The following MTUS1 variants were observed in gnomAD, a reference collection of about 807,000 sequenced individuals.
MTUS1 encodes the protein microtubule-associated tumor suppressor 1.
In MTUS1, 109 loss-of-function variants were observed where a neutral mutation model predicts 120.8. The ratio of observed to expected loss-of-function variants is 0.90; its 90% CI spans 0.77 to 1.06. The LOEUF is 1.06. Among genes scored for constraint, MTUS1 ranks in the 50% least tolerant of loss-of-function variants. MTUS1 has a pLI of 0.00. For synonymous variants in MTUS1, 737 were observed against 550.5 expected, an observed-to-expected ratio of 1.34 and a Z score of -4.74; for missense variants, 2,210 against 1,486.3, an observed-to-expected ratio of 1.49 and a Z score of -8.01.
intron 6 of MTUS1, chr8:17,693,422 C>T (rs922705412): frequency 5.3e-5 from 8 of 152,118 alleles, no homozygotes; most frequent in African/African-American, 1.9e-4. Context: ...TGATGGATAC[C>T]ACCCAGTAAT....
chr8:17,794,807 C>G (rs1352718244), intron 1 of MTUS1, among the ~76,000 whole-genome samples: 12 of 152,144 alleles, frequency 7.9e-5, no homozygotes, highest in Non-Finnish European at 1.3e-4. Flanking sequence ...ACACAGAGGT[C>G]AGGGGAAGGG....
intron 1 of MTUS1, among the ~76,000 whole-genome samples, chr8:17,767,188 T>TAAAAAAAAAA (rs34726378): frequency 9.5e-6 from 1 of 105,304 alleles, no homozygotes; most frequent in Non-Finnish European, 1.9e-5. Context: ...ATCCTCAGGG[T>TAAAAAAAAAA]AAAAAAAAAA....
chr8:17,721,942 C>T, intron 4 of MTUS1: 1 of 1,586,800 alleles, frequency 6.3e-7, no homozygotes, highest in Non-Finnish European at 8.6e-7. Context: ...AAAACTGCAG[C>T]CATGTTCACT....
intron 1 of MTUS1, among the ~76,000 whole-genome samples, chr8:17,788,397 C>T (rs568894445): frequency 6.6e-6 from 1 of 152,262 alleles, no homozygotes; most frequent in East Asian, 1.9e-4. Context: ...CTAATCCTTC[C>T]TACCCAACAG....
At chr8:17,691,933 C>G (rs1377146397) in intron 6 of MTUS1, 1 of 152,186 alleles carries the variant, frequency 6.6e-6, no homozygotes, top group Non-Finnish European at 1.5e-5. Flanking sequence ...ACTGAAAATT[C>G]ATTCAAGAGA....
chr8:17,668,626 T>C (rs1042966828), intron 8 of MTUS1, among the ~76,000 whole-genome samples: 2 of 152,186 alleles, frequency 1.3e-5, no homozygotes, highest in Non-Finnish European at 2.9e-5. Flanking sequence ...AGGACAATTA[T>C]CTTTTCTTTT....
At chr8:17,748,484 T>C (rs960600774) in intron 2 of MTUS1, among the ~76,000 whole-genome samples, 1 of 152,202 alleles carries the variant, frequency 6.6e-6, no homozygotes, top group Non-Finnish European at 1.5e-5. Flanking sequence ...CCCTCGCTAC[T>C]GGAGGGCAGC....
At chr8:17,785,887 G>A (rs988500142) in intron 1 of MTUS1, among the ~76,000 whole-genome samples, 3 of 152,212 alleles carry the variant, frequency 2.0e-5, no homozygotes, top group Non-Finnish European at 2.9e-5. Flanking sequence ...GGTCATGCCT[G>A]TAATCACGGC....
chr8:17,760,785 A>T (rs1474268310), intron 1 of MTUS1, among the ~76,000 whole-genome samples: 1 of 147,636 alleles, frequency 6.8e-6, no homozygotes, highest in Non-Finnish European at 1.5e-5. Context: ...AAAAATAAAA[A>T]GACAGAGAGT....
chr8:17,651,933 G>C (rs1449763011), intron 12 of MTUS1, among the ~76,000 whole-genome samples: 1 of 152,170 alleles, frequency 6.6e-6, no homozygotes, highest in Non-Finnish European at 1.5e-5. Context: ...CTCTTCCTAA[G>C]AATCTTCTAG....
chr8:17,742,106 C>G (rs1402320532), intron 3 of MTUS1, among the ~76,000 whole-genome samples: 1 of 151,922 alleles, frequency 6.6e-6, no homozygotes. Flanking sequence ...TCTTCACCAC[C>G]AAGGGACAGG....
At chr8:17,747,319 C>G (rs2047837030) in intron 2 of MTUS1, among the ~76,000 whole-genome samples, 1 of 152,174 alleles carries the variant, frequency 6.6e-6, no homozygotes, top group South Asian at 2.1e-4. Flanking sequence ...CAAATTCCAG[C>G]TAGTGACAAC....
At chr8:17,707,515 C>T (rs1051893298) in intron 6 of MTUS1, among the ~76,000 whole-genome samples, 9 of 152,168 alleles carry the variant, frequency 5.9e-5, no homozygotes, top group Non-Finnish European at 1.3e-4. Context: ...GCAATGTTGA[C>T]CCCTTAGAAT....
At position 17,753,758 on chromosome 8, in the gene MTUS1, CTT is replaced by C. The variant is rs1238984201; in HGVS notation, c.2048_2049del (p.Gln683ArgfsTer5). The C allele has an allele frequency of 2.7e-5, 44 of 1,612,044 alleles. No individual in the cohort carries two copies. Among genetic ancestry groups the C allele is most frequent in the Non-Finnish European group, 3.4e-5 (40 of 1,179,562 alleles). ...GTSMEKQELK[Q>X]EIMNETFEYG... ...TATTCAAAAGTCTCATTCATAATCT[CTT>C]GTTTCAGCTCTTGTTTTTCCATAGA... On this transcript the variant is annotated frameshift_variant, in exon 2 of 15. Transcript: ENST00000693296. LOFTEE classifies it high-confidence loss of function.
intron 8 of MTUS1, among the ~76,000 whole-genome samples, chr8:17,669,007 A>C (rs1386949535): frequency 6.6e-6 from 1 of 152,264 alleles, no homozygotes; most frequent in Non-Finnish European, 1.5e-5. Flanking sequence ...TAATAAAATC[A>C]TTCATTGATT....
chr8:17,654,238 T>C (rs1393949640), intron 10 of MTUS1: 3 of 356,802 alleles, frequency 8.4e-6, no homozygotes, highest in Non-Finnish European at 1.5e-5. Flanking sequence ...GTGGATCCTT[T>C]ACTGTGGATT....
At chr8:17,787,041 G>A (rs566236513) in intron 1 of MTUS1, among the ~76,000 whole-genome samples, 5 of 152,318 alleles carry the variant, frequency 3.3e-5, no homozygotes, top group East Asian at 1.9e-4. Flanking sequence ...GCTGAAAAGC[G>A]ATCGGAAGCT....
intron 6 of MTUS1, among the ~76,000 whole-genome samples, chr8:17,712,991 C>G (rs941851395): frequency 1.3e-5 from 2 of 152,080 alleles, no homozygotes; most frequent in Non-Finnish European, 2.9e-5. Flanking sequence ...TTTTAAAAGA[C>G]TATAACTATC....
chr8:17,693,218 AG>A (rs1366532861), intron 6 of MTUS1: 6 of 152,178 alleles, frequency 3.9e-5, no homozygotes. Context: ...AAATAGACCG[AG>A]TTTAATACTT....
Sources: gnomAD v4.1 joint callset for allele counts (sites outside exome capture counted in the v4.1 genomes callset) on GRCh38, gnomAD v4.1.1 for gene constraint, MANE v1.5 for transcripts, NCBI Gene and HGNC (gene_info 2026-07-23, HGNC 2026-07-21) for gene names.